Variants in MDGA2 observed in about 807,000 individuals in gnomAD.
MDGA2 encodes the protein MAM domain-containing glycosylphosphatidylinositol anchor protein 2.
Under a neutral mutation model 117.8 loss-of-function variants are expected in MDGA2, and 40 were observed. The observed-to-expected ratio is 0.34, with a 90% CI of 0.26 to 0.44. The LOEUF (loss-of-function observed/expected upper bound fraction) is 0.44. Among genes scored for constraint, MDGA2 ranks in the 20% least tolerant of loss-of-function variants. The pLI is 1.00. For missense variants in MDGA2, 1,123 were observed against 1,250.6 expected (o/e 0.90, Z 1.54); for synonymous variants, 452 against 439.0 (o/e 1.03, Z -0.37).
intron 8 of MDGA2, among the ~76,000 whole-genome samples, chr14:46,965,803 G>C (rs1886004801): frequency 6.6e-6 from 1 of 152,110 alleles, no homozygotes; most frequent in South Asian, 2.1e-4. Context: ...TATTGTGATA[G>C]AATCAGTTTT....
chr14:46,978,950 C>T (rs1026406379), intron 8 of MDGA2, among the ~76,000 whole-genome samples: 2 of 152,052 alleles, frequency 1.3e-5, no homozygotes, highest in African/African-American at 2.4e-5. Flanking sequence ...TAAAAACATA[C>T]CTTGTTTTAT....
chr14:46,997,198 T>G (rs183337942), intron 8 of MDGA2: 1 of 161,182 alleles, frequency 6.2e-6, no homozygotes, highest in East Asian at 1.8e-4. Flanking sequence ...TAGATTTAAT[T>G]GGGTATTGGA....
intron 5 of MDGA2, among the ~76,000 whole-genome samples, chr14:47,124,236 T>C (rs964745354): frequency 4.6e-5 from 7 of 152,122 alleles, no homozygotes; most frequent in Admixed American, 3.3e-4. Flanking sequence ...CCAAGAATAA[T>C]GCACAAGTTC....
intron 5 of MDGA2, among the ~76,000 whole-genome samples, chr14:47,123,448 T>C (rs1421672704): frequency 6.6e-6 from 1 of 152,022 alleles, no homozygotes; most frequent in Non-Finnish European, 1.5e-5. Context: ...TCTATATTTT[T>C]ACATTTCTGA....
chr14:47,200,604 C>T, intron 3 of MDGA2: 1 of 1,190,650 alleles, frequency 8.4e-7, no homozygotes, highest in Non-Finnish European at 1.2e-6. Context: ...GTCTTGAAGA[C>T]CTCTGTATAT....
At chr14:47,093,429 CA>C (rs925544601) in intron 6 of MDGA2, among the ~76,000 whole-genome samples, 3 of 152,002 alleles carry the variant, frequency 2.0e-5, no homozygotes, top group Non-Finnish European at 4.4e-5. Flanking sequence ...ATCATGAAAA[CA>C]GAGACCTTTA....
intron 1 of MDGA2, among the ~76,000 whole-genome samples, chr14:47,608,745 G>C (rs1896786334): frequency 6.6e-6 from 1 of 152,124 alleles, no homozygotes; most frequent in Admixed American, 6.6e-5. Flanking sequence ...TCTGGCTGCT[G>C]TACTGAAAAC....
intron 5 of MDGA2, among the ~76,000 whole-genome samples, chr14:47,109,248 G>T (rs940719398): frequency 6.6e-6 from 1 of 152,206 alleles, no homozygotes; most frequent in African/African-American, 2.4e-5. Context: ...AGCAGAGCAT[G>T]AACTTTCTAT....
At chr14:47,537,042 G>A (rs1468863995) in intron 1 of MDGA2, among the ~76,000 whole-genome samples, 1 of 152,060 alleles carries the variant, frequency 6.6e-6, no homozygotes, top group Admixed American at 6.6e-5. Flanking sequence ...ATGGAAGAAT[G>A]GCAGACTTAA....
intron 3 of MDGA2, among the ~76,000 whole-genome samples, chr14:47,210,773 C>G (rs542609106): frequency 6.6e-6 from 1 of 152,224 alleles, no homozygotes; most frequent in African/African-American, 2.4e-5. Flanking sequence ...AATCCCAACA[C>G]TTTGGGAGGC....
intron 3 of MDGA2, among the ~76,000 whole-genome samples, chr14:47,208,530 CTTTTTT>C (rs35699705): frequency 2.1e-5 from 3 of 142,298 alleles, no homozygotes; most frequent in African/African-American, 7.8e-5. Flanking sequence ...TCTCTAAACT[CTTTTTT>C]TTTTTTTTTA....
At chr14:47,219,217 A>C (rs541719280) in intron 2 of MDGA2, among the ~76,000 whole-genome samples, 1 of 152,094 alleles carries the variant, frequency 6.6e-6, no homozygotes, top group African/African-American at 2.4e-5. Context: ...TAATATTGCC[A>C]TTATATATAC....
intron 2 of MDGA2, among the ~76,000 whole-genome samples, chr14:47,300,482 C>CTT (rs56229432): frequency 6.1e-5 from 9 of 147,714 alleles, no homozygotes; most frequent in South Asian, 2.2e-4. Context: ...ATTTTTTATT[C>CTT]TTTTTTTTTT....
At chr14:47,249,194 T>A (rs1455544926) in intron 2 of MDGA2, among the ~76,000 whole-genome samples, 1 of 151,178 alleles carries the variant, frequency 6.6e-6, no homozygotes, top group Non-Finnish European at 1.5e-5. Flanking sequence ...ATTTTTGTAT[T>A]TTTTAGTAGA....
intron 8 of MDGA2, among the ~76,000 whole-genome samples, chr14:47,012,980 G>C (rs996741985): frequency 6.6e-6 from 1 of 152,194 alleles, no homozygotes; most frequent in Non-Finnish European, 1.5e-5. Flanking sequence ...AGCCTTCATC[G>C]AGTTGTACTC....
At chr14:47,062,022 C>T (rs1010156020) in intron 6 of MDGA2, among the ~76,000 whole-genome samples, 3 of 151,930 alleles carry the variant, frequency 2.0e-5, no homozygotes, top group African/African-American at 7.2e-5. Context: ...TCAAATATTA[C>T]ACAAAGGACA....
intron 1 of MDGA2, among the ~76,000 whole-genome samples, chr14:47,340,044 A>G (rs907889432): frequency 2.0e-5 from 3 of 152,200 alleles, no homozygotes; most frequent in African/African-American, 4.8e-5. Flanking sequence ...TGAGTAAGAA[A>G]TTGCTTTTGA....
At chr14:47,377,691 G>C (rs1891511212) in intron 1 of MDGA2, among the ~76,000 whole-genome samples, 1 of 152,140 alleles carries the variant, frequency 6.6e-6, no homozygotes, top group Non-Finnish European at 1.5e-5. Flanking sequence ...GCTGAGGCTT[G>C]AGTAGGTAAA....
intron 3 of MDGA2, among the ~76,000 whole-genome samples, chr14:47,162,590 C>T (rs554486577): frequency 1.8e-4 from 27 of 152,194 alleles, no homozygotes; most frequent in Non-Finnish European, 3.1e-4. Context: ...TATCTTTTCT[C>T]CTGATTCAGT....
Sources: gnomAD v4.1 joint callset for allele counts (sites outside exome capture counted in the v4.1 genomes callset) on GRCh38, gnomAD v4.1.1 for gene constraint, MANE v1.5 for transcripts, NCBI Gene and HGNC (gene_info 2026-07-23, HGNC 2026-07-21) for gene names.